Variants in ITPRIPL1 observed in about 807,000 individuals in gnomAD.
The protein encoded by ITPRIPL1 is inositol 1,4,5-trisphosphate receptor-interacting protein-like 1.
Under a neutral mutation model 40.0 loss-of-function variants are expected in ITPRIPL1, and 28 were observed. The ratio of observed to expected loss-of-function variants is 0.70; its 90% CI spans 0.52 to 0.96. The LOEUF (loss-of-function observed/expected upper bound fraction) is 0.96, where lower values mean the gene tolerates loss of function less well. ITPRIPL1 is among the 40% of genes least tolerant of loss of function. The pLI, the probability that ITPRIPL1 is intolerant of heterozygous loss-of-function variation, is 0.00. For synonymous variants in ITPRIPL1, 251 were observed against 275.7 expected (o/e 0.91, Z 0.89); for missense variants, 638 against 698.0 (o/e 0.91, Z 0.97).
Position 96,326,692 on chromosome 2 carries a change from T to C in ITPRIPL1, c.61T>C (p.Tyr21His). 1.2e-6 allele frequency: 2 copies of C among 1,614,272 alleles called. No homozygotes were observed. Among genetic ancestry groups the C allele is most frequent in the Non-Finnish European group, 1.7e-6 (2 of 1,180,052 alleles). The change falls in exon 3 of 3, where the codon TAT becomes CAT. Residue 21 changes from tyrosine (Y) to histidine (H), a missense_variant. By Grantham distance (83) the Tyr-to-His change is moderately conservative. Transcript: ENST00000439118. ...AAGCCTGCTGTTCTTGGCAGTGATG[T>C]ATGTTGTTCACCACCCTCTGATGGT... ...VISLLFLAVM[Y>H]VVHHPLMVSD...
intron 2 of ITPRIPL1, chr2:96,326,224 G>A: frequency 1.1e-5 from 16 of 1,439,878 alleles, no homozygotes; most frequent in Non-Finnish European, 1.5e-5. Flanking sequence ...TGTCACCCAG[G>A]CAGGTTCAGG....
chr2:96,325,617 C>G, intron 1 of ITPRIPL1, 52 bp downstream of exon 1: 1 of 610,090 alleles, frequency 1.6e-6, no homozygotes, highest in East Asian at 2.8e-5. Flanking sequence ...AGGATGGGCC[C>G]TTGGCCTCCT....
downstream of ITPRIPL1, chr2:96,330,247 CAAAAAAAAAAAA>C (rs57831992): frequency 5.2e-4 from 12 of 23,126 alleles, no homozygotes; most frequent in South Asian, 2.3e-3. Flanking sequence ...GACCGCGTCT[CAAAAAAAAAAAA>C]AAAAAAAAAA....
At position 96,327,576 on chromosome 2, in the gene ITPRIPL1, G is replaced by T; in HGVS notation, c.945G>T (p.Val315=). The T allele has an allele frequency of 6.2e-7, 1 of 1,610,446 alleles. No homozygotes were observed. Among genetic ancestry groups the T allele is most frequent in the Non-Finnish European group, 8.5e-7 (1 of 1,178,534 alleles). Residue 315 remains valine, a synonymous_variant, in exon 3 of 3, where the codon GTG becomes GTT. Coordinates refer to ENST00000439118, the MANE Select transcript of ITPRIPL1 (RefSeq NM_001008949.3). ...TCTGCACCGGCTTCCACCTAGACGT[G>T]TGCAAGACTGTGCAGTGGTTCCGGA... is the stretch of plus-strand genomic sequence containing the variant. The part of the protein sequence containing the change: ...AALCTGFHLD[V]CKTVQWFRNM...
rs532656693 is a variant in ITPRIPL1 at position 96,326,470 on chromosome 2, C to T, written c.11-172C>T. 9 of 1,544,434 alleles carry T rather than the reference C, an allele frequency of 5.8e-6. No homozygotes were observed. In the African/African-American group the frequency reaches 1.1e-4, roughly 19 times the overall value. ...CCTTTCGCCCTCTTTTCTCTCGAAC[C>T]TCCTCCCAGGCCGACCACCCTTGCT... On this transcript the variant is annotated intron_variant, in intron 2 of 2. Coordinates refer to ENST00000439118, the MANE Select transcript of ITPRIPL1 (RefSeq NM_001008949.3).
rs2064128087 is a variant in ITPRIPL1, at chr2:96,327,755, C to G, written c.1124C>G (p.Thr375Ser). The change falls in exon 3 of 3, where the codon ACC becomes AGC. Residue 375 changes from threonine (T) to serine (S), a missense_variant. Physicochemically the swap from Thr to Ser is moderately conservative, Grantham distance 58 (BLOSUM62 1). Transcript: ENST00000439118. ...GTCCTGGGGGTGCAACGAGAAGACACCTTGGTCTACCTGGTGAGTCAGGCT... is the reference window on the plus strand; with the variant it reads ...GTCCTGGGGGTGCAACGAGAAGACAGCTTGGTCTACCTGGTGAGTCAGGCT... ...HLVLGVQRED[T>S]LVYLVSQAPD... 6.2e-7 allele frequency: 1 copy of G among 1,613,708 alleles called. No homozygotes were observed. The highest frequency in any genetic ancestry group is 1.7e-5 in the Admixed American group (1 of 59,920).
Position 96,327,006 on chromosome 2 carries a change from G to T in ITPRIPL1, c.375G>T (p.Glu125Asp), listed in dbSNP as rs2064115365. Residue 125 changes from glutamate (E) to aspartate (D), a missense_variant, in exon 3 of 3, where the codon GAG (glutamate) becomes GAT (aspartate). Transcript: ENST00000439118. ...TGLFCLFLVFELLRQNMQHEP... is the reference protein window; with the variant it reads ...TGLFCLFLVFDLLRQNMQHEP... ...TCTTTTGCCTTTTTCTCGTCTTTGAGCTCCTGCGACAGAACATGCAGCATG... is the reference window on the plus strand; with the variant it reads ...TCTTTTGCCTTTTTCTCGTCTTTGATCTCCTGCGACAGAACATGCAGCATG... 6.2e-7 allele frequency: 1 copy of T among 1,614,096 alleles called. No individual in the cohort carries two copies. Among genetic ancestry groups the T allele is most frequent in the African/African-American group, 1.3e-5 (1 of 74,936 alleles).
chr2:96,327,017 A>G lies in ITPRIPL1; in HGVS notation c.386A>G (p.Gln129Arg). The stretch of plus-strand genomic sequence containing the variant: ...TTTCTCGTCTTTGAGCTCCTGCGAC[A>G]GAACATGCAGCATGAACCGGCCTTT... ...CLFLVFELLRQNMQHEPAFDS... is the reference protein window; with the variant it reads ...CLFLVFELLRRNMQHEPAFDS... The change falls in exon 3 of 3, where the codon CAG (glutamine) becomes CGG (arginine). Residue 129 changes from glutamine to arginine, a missense_variant. Coordinates refer to ENST00000439118, the MANE Select transcript of ITPRIPL1 (RefSeq NM_001008949.3). 6.2e-7 allele frequency: 1 copy of G among 1,614,218 alleles called. No individual in the cohort carries two copies. The highest frequency in any genetic ancestry group is 8.5e-7 in the Non-Finnish European group (1 of 1,180,030).
At position 96,326,816 on chromosome 2, in the gene ITPRIPL1, G is replaced by T. The variant is rs1047986112; in HGVS notation, c.185G>T (p.Arg62Ile). Residue 62 changes from arginine to isoleucine, a missense_variant, in exon 3 of 3, where the codon AGA (arginine) becomes ATA (isoleucine). Transcript: ENST00000439118. The part of the protein sequence containing the change: ...MRLLEMEFEE[R>I]KRAAEQRQKA... ...CTGCTAGAGATGGAGTTTGAAGAGA[G>T]AAAGCGAGCCGCTGAGCAGAGGCAG... 1.2e-6 allele frequency: 2 copies of T among 1,614,096 alleles called. No homozygotes were observed. Among genetic ancestry groups the T allele is most frequent in the African/African-American group, 2.7e-5 (2 of 74,936 alleles).
At chr2:96,326,225 C>T (rs1321706086) in intron 2 of ITPRIPL1, 1 of 1,440,060 alleles carries the variant, frequency 6.9e-7, no homozygotes, top group East Asian at 3.2e-5. Flanking sequence ...GTCACCCAGG[C>T]AGGTTCAGGG....
At chr2:96,326,297 C>CT in intron 2 of ITPRIPL1, 1 of 1,453,990 alleles carries the variant, frequency 6.9e-7, no homozygotes, top group Non-Finnish European at 9.1e-7. Context: ...CCATGGTTGA[C>CT]TGAGGAGTCG....
chr2:96,326,357 T>G (rs2064106872), intron 2 of ITPRIPL1: 2 of 1,500,424 alleles, frequency 1.3e-6, no homozygotes, highest in Non-Finnish European at 8.9e-7. Context: ...TACACAGGAA[T>G]GAAAACAGTC....
chr2:96,326,430 G>T, intron 2 of ITPRIPL1: 1 of 1,550,714 alleles, frequency 6.4e-7, no homozygotes, highest in South Asian at 1.2e-5. Flanking sequence ...GCAGGAGAGA[G>T]ACTGAGTGGC....
intron 2 of ITPRIPL1, among the ~76,000 whole-genome samples, 180 bp downstream of exon 2, chr2:96,326,029 G>A (rs1007517605): frequency 6.6e-6 from 1 of 152,224 alleles, no homozygotes; most frequent in Non-Finnish European, 1.5e-5. Flanking sequence ...GTATCCACTA[G>A]CCCCTTAGGA....
At position 96,326,821 on chromosome 2, in the gene ITPRIPL1, C is replaced by A. The variant is rs761307153; in HGVS notation, c.190C>A (p.Arg64=). The A allele has an allele frequency of 1.2e-6, 2 of 1,613,936 alleles. No homozygotes were observed. Among genetic ancestry groups the A allele is most frequent in the Non-Finnish European group, 1.7e-6 (2 of 1,180,028 alleles). ...LLEMEFEERK[R]AAEQRQKAEN... ...AGAGATGGAGTTTGAAGAGAGAAAGCGAGCCGCTGAGCAGAGGCAGAAGGC... is the reference window on the plus strand; with the variant it reads ...AGAGATGGAGTTTGAAGAGAGAAAGAGAGCCGCTGAGCAGAGGCAGAAGGC... The change falls in exon 3 of 3, where the codon CGA becomes AGA. Residue 64 remains arginine (R), a synonymous_variant. Coordinates refer to ENST00000439118, the MANE Select transcript of ITPRIPL1 (RefSeq NM_001008949.3).
chr2:96,328,256 A>C lies in ITPRIPL1; in HGVS notation c.1625A>C (p.Gln542Pro). 1 of 1,614,098 alleles carries C rather than the reference A, an allele frequency of 6.2e-7. No individual in the cohort carries two copies. Among genetic ancestry groups the C allele is most frequent in the Non-Finnish European group, 8.5e-7 (1 of 1,180,010 alleles). The change falls in exon 3 of 3, where the codon CAG (glutamine) becomes CCG (proline). Residue 542 changes from glutamine (Q) to proline (P), a missense_variant. Coordinates refer to ENST00000439118, the MANE Select transcript of ITPRIPL1 (RefSeq NM_001008949.3). Reference sequence around the variant, plus strand: ...GAAGAGTTCCAAAACCTTCTGACCCAGGTGAAAACTCTGCCTCATGCCCCA... The same window carrying C: ...GAAGAGTTCCAAAACCTTCTGACCCCGGTGAAAACTCTGCCTCATGCCCCA... ...AVEEFQNLLT[Q>P]VKTLPHAPLA...
downstream of ITPRIPL1, chr2:96,328,617 T>C (rs1310055400): frequency 4.0e-6 from 1 of 248,860 alleles, no homozygotes; most frequent in African/African-American, 2.2e-5. Flanking sequence ...TGTGAAGTTG[T>C]GTTTTTGTAT....
At position 96,328,057 on chromosome 2, in the gene ITPRIPL1, G is replaced by A; in HGVS notation, c.1426G>A (p.Asp476Asn). 6.2e-7 allele frequency: 1 copy of A among 1,614,150 alleles called. No homozygotes were observed. Among genetic ancestry groups the A allele is most frequent in the Non-Finnish European group, 8.5e-7 (1 of 1,180,036 alleles). Residue 476 changes from aspartate (D) to asparagine (N), a missense_variant, in exon 3 of 3, where the codon GAC (aspartate) becomes AAC (asparagine). Physicochemically the swap from Asp to Asn is conservative, Grantham distance 23. Coordinates refer to ENST00000439118, the MANE Select transcript of ITPRIPL1 (RefSeq NM_001008949.3). ...CAACATGCTCTCTCAGCGGCTCCAG[G>A]ACATTCTCTGGTTCTTGGGCCGTGG... ...AHNMLSQRLQ[D>N]ILWFLGRGLQ...
rs1423107578 is a variant in ITPRIPL1, at chr2:96,326,909, G to A, written c.278G>A (p.Gly93Glu). ...DQLVLGKKDM[G>E]WPFQADGQEG... The stretch of plus-strand genomic sequence containing the variant: ...TTAGTGCTGGGGAAGAAAGACATGG[G>A]GTGGCCGTTCCAGGCCGATGGCCAG... The change falls in exon 3 of 3, where the codon GGG becomes GAG. Residue 93 changes from glycine (G) to glutamate (E), a missense_variant. Coordinates refer to ENST00000439118, the MANE Select transcript of ITPRIPL1 (RefSeq NM_001008949.3). The A allele has an allele frequency of 1.9e-6, 3 of 1,614,228 alleles. No homozygotes were observed. The highest frequency in any genetic ancestry group is 2.2e-5 in the South Asian group (2 of 91,080).
Sources: allele counts gnomAD v4.1 joint callset (sites outside exome capture counted in the v4.1 genomes callset), GRCh38; gene constraint gnomAD v4.1.1; transcripts MANE v1.5; gene names NCBI Gene and HGNC (gene_info 2026-07-23, HGNC 2026-07-21).